HAO1: variants seen among roughly 807,000 people sequenced by gnomAD.
HAO1 encodes the protein 2-Hydroxyacid oxidase 1.
HAO1 carries 34 observed loss-of-function variants against 39.7 expected under a neutral mutation model. The ratio of observed to expected loss-of-function variants is 0.86; its 90% CI spans 0.65 to 1.14. The LOEUF (loss-of-function observed/expected upper bound fraction) is 1.14, where lower values mean the gene tolerates loss of function less well. Ranked by LOEUF, HAO1 falls within the 50% of genes most tolerant of loss-of-function variation. The pLI is 0.00. For synonymous variants in HAO1, 172 were observed against 173.2 expected (o/e 0.99, Z 0.05); for missense variants, 479 against 464.5 (o/e 1.03, Z -0.29).
At chr20:7,903,665 G>A (rs1051079602) in intron 4 of HAO1, among the ~76,000 whole-genome samples, 3 of 150,392 alleles carry the variant, frequency 2.0e-5, no homozygotes, top group Non-Finnish European at 4.4e-5. Context: ...TGGTGGTGGT[G>A]GCAGTGGTGG....
chr20:7,909,360 C>CATATATATATATATATATGTATATAT (rs1382035730), intron 3 of HAO1, among the ~76,000 whole-genome samples: 6 of 109,076 alleles, frequency 5.5e-5, no homozygotes, highest in Admixed American at 3.6e-4. Flanking sequence ...CGGATTATGA[C>CATATATATATATATATATGTATATAT]ATATATATAT....
intron 5 of HAO1, among the ~76,000 whole-genome samples, chr20:7,893,664 T>C (rs2050184122): frequency 6.6e-6 from 1 of 152,116 alleles, no homozygotes; most frequent in Non-Finnish European, 1.5e-5. Flanking sequence ...ACAATTCGAC[T>C]CTCTATGATT....
At chr20:7,905,049 A>T (rs2050240871) in intron 4 of HAO1, among the ~76,000 whole-genome samples, 1 of 152,230 alleles carries the variant, frequency 6.6e-6, no homozygotes, top group Non-Finnish European at 1.5e-5. Context: ...GAAGTACAGA[A>T]TAATGTTTGA....
intron 5 of HAO1, among the ~76,000 whole-genome samples, chr20:7,889,600 A>G (rs1292215306): frequency 6.6e-6 from 1 of 152,200 alleles, no homozygotes; most frequent in Non-Finnish European, 1.5e-5. Context: ...CAGAAGCAAC[A>G]TATTAAGATG....
chr20:7,902,515 C>T (rs2050225409), intron 4 of HAO1, among the ~76,000 whole-genome samples: 1 of 152,118 alleles, frequency 6.6e-6, no homozygotes, highest in South Asian at 2.1e-4. Context: ...ACAAAATAGA[C>T]TACAGTATAG....
Position 7,911,193 on chromosome 20 carries a change from T to C in HAO1, c.545+2971A>G, listed in dbSNP as rs1406908698. 3.3e-5 allele frequency among the ~76,000 whole-genome samples: 5 copies of C among 152,180 alleles called. No homozygotes were observed. The South Asian group carries it at 1.0e-3, about 32-fold the overall frequency. On this transcript the variant is annotated intron_variant, in intron 3 of 7. Transcript: ENST00000378789. ...AGACCTATTCACATTGAGTCTACTT[T>C]AAAGCAGGCCACTTTAATCATGAGA...
At chr20:7,924,202 G>C (rs1016929209) in intron 2 of HAO1, among the ~76,000 whole-genome samples, 23 of 151,232 alleles carry the variant, frequency 1.5e-4, no homozygotes, top group South Asian at 1.1e-3. Context: ...TTGTGTTGTT[G>C]TTGTTGTTGT....
At chr20:7,938,378 A>AT (rs3830727) in intron 1 of HAO1, among the ~76,000 whole-genome samples, 4,245 of 150,072 alleles carry the variant, frequency 0.028, 71 homozygotes, top group Non-Finnish European at 0.041. Context: ...AAGTTGATTG[A>AT]TTTTTTTTTT....
rs2050435046 is a variant in HAO1, at chr20:7,940,312, C to A, written c.111G>T (p.Leu37Phe). 1 of 1,605,668 alleles carries A rather than the reference C, an allele frequency of 6.2e-7. No homozygotes were observed. Among genetic ancestry groups the A allele is most frequent in the Non-Finnish European group, 8.5e-7 (1 of 1,177,396 alleles). Residue 37 changes from leucine to phenylalanine, a missense_variant, in exon 1 of 8, where the codon TTG (leucine) becomes TTT (phenylalanine). Leu to Phe is a conservative substitution (Grantham distance 22, BLOSUM62 0). Coordinates refer to ENST00000378789, the MANE Select transcript of HAO1 (RefSeq NM_017545.3). Reference sequence around the variant, plus strand: ...TGGAAAATGCTGCAATATTATCAGCCAAAGTTTCTTCATCATTTGCCCCAG... The same window carrying A: ...TGGAAAATGCTGCAATATTATCAGCAAAAGTTTCTTCATCATTTGCCCCAG... The part of the protein sequence containing the change: ...YRSGANDEET[L>F]ADNIAAFSRW...
At chr20:7,938,324 C>T (rs2050423309) in intron 1 of HAO1, among the ~76,000 whole-genome samples, 1 of 152,028 alleles carries the variant, frequency 6.6e-6, no homozygotes, top group Non-Finnish European at 1.5e-5. Flanking sequence ...GCAATAAAAA[C>T]TCAACTAGTT....
At chr20:7,918,924 T>C (rs1208504678) in intron 2 of HAO1, among the ~76,000 whole-genome samples, 1 of 152,206 alleles carries the variant, frequency 6.6e-6, no homozygotes, top group Non-Finnish European at 1.5e-5. Flanking sequence ...TCTGACTCCC[T>C]GCTCCCAAAG....
rs2050279538 is a variant in HAO1, at chr20:7,911,555, T to G, written c.545+2609A>C. The stretch of plus-strand genomic sequence containing the variant: ...GCTTCTTCCAAGAGCAGATGAGAAG[T>G]CTCCTTACTCCCTCTCAGTTTCAGG... On this transcript the variant is annotated intron_variant, in intron 3 of 7. Transcript: ENST00000378789. 3.3e-5 allele frequency among the ~76,000 whole-genome samples: 5 copies of G among 152,116 alleles called. No homozygotes were observed. The South Asian group carries it at 1.0e-3, about 31-fold the overall frequency.
intron 4 of HAO1, among the ~76,000 whole-genome samples, chr20:7,899,595 G>A (rs994235146): frequency 6.6e-6 from 1 of 152,016 alleles, no homozygotes; most frequent in Non-Finnish European, 1.5e-5. Flanking sequence ...GGGAATATAG[G>A]GAGAAATGAC....
At position 7,914,304 on chromosome 20, in the gene HAO1, C is replaced by T. The variant is rs1333768498; in HGVS notation, c.405G>A (p.Lys135=). ...CTAGCTTCTTGGTGACTTCTCGGTC[C>T]TTGTAGATATACAGTTGCAGCCAAC... ...ALRWLQLYIY[K]DREVTKKLVR... Residue 135 remains lysine (K), a synonymous_variant, in exon 3 of 8, where the codon AAG becomes AAA. Transcript: ENST00000378789. 3.7e-6 allele frequency: 6 copies of T among 1,613,946 alleles called. No homozygotes were observed. The highest frequency in any genetic ancestry group is 5.1e-6 in the Non-Finnish European group (6 of 1,179,988).
chr20:7,918,610 G>A (rs1001254916), intron 2 of HAO1, among the ~76,000 whole-genome samples: 8 of 152,074 alleles, frequency 5.3e-5, no homozygotes, highest in South Asian at 2.1e-4. Flanking sequence ...CATCAGTGCC[G>A]GCAGAGCGGG....
intron 2 of HAO1, among the ~76,000 whole-genome samples, chr20:7,915,906 T>C (rs1366301886): frequency 6.6e-6 from 1 of 152,196 alleles, no homozygotes; most frequent in African/African-American, 2.4e-5. Flanking sequence ...ATTTTTTTCT[T>C]CCTTTTTAAT....
intron 2 of HAO1, among the ~76,000 whole-genome samples, chr20:7,916,648 C>A (rs552734142): frequency 1.4e-4 from 22 of 152,284 alleles, no homozygotes; most frequent in African/African-American, 4.6e-4. Flanking sequence ...AGTACCATAG[C>A]CATTAGATAG....
chr20:7,912,924 C>G (rs2050286910), intron 3 of HAO1, among the ~76,000 whole-genome samples: 1 of 152,160 alleles, frequency 6.6e-6, no homozygotes, highest in Non-Finnish European at 1.5e-5. Flanking sequence ...AGATTTTATG[C>G]ACAGTAGTTT....
intron 4 of HAO1, among the ~76,000 whole-genome samples, chr20:7,896,384 T>C (rs1391599462): frequency 1.3e-5 from 2 of 152,164 alleles, no homozygotes; most frequent in Non-Finnish European, 2.9e-5. Context: ...AGGTCATTGG[T>C]AATCTGTAAA....
Sources: allele counts gnomAD v4.1 joint callset (sites outside exome capture counted in the v4.1 genomes callset), GRCh38; gene constraint gnomAD v4.1.1; transcripts MANE v1.5; gene names NCBI Gene and HGNC (gene_info 2026-07-23, HGNC 2026-07-21).